Variants in VSNL1 observed in about 807,000 individuals in gnomAD.
VSNL1 encodes the protein visinin-like protein 1.
A neutral mutation model predicts 20.4 loss-of-function variants in VSNL1; 6 were observed. The ratio of observed to expected loss-of-function variants is 0.29; its 90% CI spans 0.16 to 0.58. The LOEUF is 0.58. Ranked by LOEUF, VSNL1 falls within the 20% of genes least tolerant of loss-of-function variation. The probability of loss-of-function intolerance (pLI) is 0.90; values close to 1 mark genes in which losing one functional copy is unlikely to be tolerated. For missense variants in VSNL1, 100 were observed against 234.5 expected, an observed-to-expected ratio of 0.43 and a Z score of 3.75; for synonymous variants, 93 against 86.4, an observed-to-expected ratio of 1.08 and a Z score of -0.42.
At chr2:17,620,439 A>G (rs1665329310) in intron 2 of VSNL1, among the ~76,000 whole-genome samples, 1 of 152,224 alleles carries the variant, frequency 6.6e-6, no homozygotes, top group African/African-American at 2.4e-5. Context: ...TCCAGATGGG[A>G]GGTGCAGGGG....
At chr2:17,589,062 G>A (rs550493892) in intron 1 of VSNL1, among the ~76,000 whole-genome samples, 1 of 152,304 alleles carries the variant, frequency 6.6e-6, no homozygotes, top group South Asian at 2.1e-4. Context: ...GAGAATGGGT[G>A]CCTAAGTTTG....
intron 2 of VSNL1, among the ~76,000 whole-genome samples, chr2:17,603,656 A>G (rs755626588): frequency 2.0e-5 from 3 of 152,186 alleles, no homozygotes; most frequent in South Asian, 2.1e-4. Flanking sequence ...ATCAAATGTC[A>G]CAAAAGTCCT....
At chr2:17,555,038 G>T (rs1218766610) in intron 1 of VSNL1, among the ~76,000 whole-genome samples, 4 of 148,340 alleles carry the variant, frequency 2.7e-5, no homozygotes, top group African/African-American at 9.7e-5. Flanking sequence ...ACCACTTAAA[G>T]GAAAATCTTT....
At chr2:17,642,837 T>C (rs1665910962) in intron 2 of VSNL1, among the ~76,000 whole-genome samples, 1 of 152,232 alleles carries the variant, frequency 6.6e-6, no homozygotes, top group African/African-American at 2.4e-5. Context: ...AATTTTATTC[T>C]CAAATAGATG....
At chr2:17,598,186 C>G (rs1316266053) in intron 2 of VSNL1, among the ~76,000 whole-genome samples, 1 of 152,170 alleles carries the variant, frequency 6.6e-6, no homozygotes, top group Non-Finnish European at 1.5e-5. Flanking sequence ...GCTTAAAAAC[C>G]TACTACGTGG....
intron 1 of VSNL1, among the ~76,000 whole-genome samples, chr2:17,586,769 AAG>A (rs1332365019): frequency 6.6e-6 from 1 of 152,212 alleles, no homozygotes; most frequent in African/African-American, 2.4e-5. Context: ...ATACAAGGAA[AAG>A]AGAGGAGTAG....
intron 2 of VSNL1, among the ~76,000 whole-genome samples, chr2:17,599,777 T>A (rs1216251914): frequency 6.6e-6 from 1 of 152,226 alleles, no homozygotes; most frequent in Non-Finnish European, 1.5e-5. Context: ...GAGACTTGGC[T>A]GAGGTTACAA....
At chr2:17,621,221 C>T (rs1270456799) in intron 2 of VSNL1, among the ~76,000 whole-genome samples, 1 of 151,582 alleles carries the variant, frequency 6.6e-6, no homozygotes, top group Non-Finnish European at 1.5e-5. Flanking sequence ...CTTCCTTTCT[C>T]TCTCTCTTTC....
chr2:17,574,881 C>G (rs1198340361), intron 1 of VSNL1, among the ~76,000 whole-genome samples: 1 of 152,218 alleles, frequency 6.6e-6, no homozygotes, highest in Non-Finnish European at 1.5e-5. Flanking sequence ...ATCCTCCTTC[C>G]TCAGCCTCCC....
intron 1 of VSNL1, among the ~76,000 whole-genome samples, chr2:17,549,803 G>A (rs781401116): frequency 1.3e-5 from 2 of 152,192 alleles, no homozygotes; most frequent in Non-Finnish European, 2.9e-5. Context: ...TTCCAAACCT[G>A]TTTGTACAGG....
chr2:17,650,764 A>G (rs1489744681), intron 3 of VSNL1, among the ~76,000 whole-genome samples: 1 of 152,132 alleles, frequency 6.6e-6, no homozygotes, highest in Non-Finnish European at 1.5e-5. Flanking sequence ...GAAGTCACCC[A>G]TCAACTCCCT....
intron 1 of VSNL1, among the ~76,000 whole-genome samples, chr2:17,585,223 C>T (rs1377431188): frequency 6.6e-6 from 1 of 151,998 alleles, no homozygotes; most frequent in Non-Finnish European, 1.5e-5. Flanking sequence ...TTTCCAGAAG[C>T]TGCTTTTGTC....
At chr2:17,616,100 C>T (rs1332556440) in intron 2 of VSNL1, among the ~76,000 whole-genome samples, 3 of 152,244 alleles carry the variant, frequency 2.0e-5, no homozygotes, top group African/African-American at 7.2e-5. Context: ...AAAGGGCCCA[C>T]TAACTTTCCT....
chr2:17,632,148 C>T (rs574974651), intron 2 of VSNL1, among the ~76,000 whole-genome samples: 23 of 152,264 alleles, frequency 1.5e-4, no homozygotes, highest in African/African-American at 3.1e-4. Flanking sequence ...GGATTACAGG[C>T]GTGAGCCACC....
chr2:17,568,750 T>C (rs1396726071), intron 1 of VSNL1, among the ~76,000 whole-genome samples: 1 of 152,202 alleles, frequency 6.6e-6, no homozygotes, highest in Non-Finnish European at 1.5e-5. Context: ...CCTTTAATAA[T>C]AGGGTCCATA....
At chr2:17,561,834 A>G (rs915595321) in intron 1 of VSNL1, among the ~76,000 whole-genome samples, 1 of 152,180 alleles carries the variant, frequency 6.6e-6, no homozygotes, top group East Asian at 1.9e-4. Context: ...TGGTGGTATA[A>G]TTCTTCAGAC....
At chr2:17,542,393 C>T (rs947740602) in intron 1 of VSNL1, among the ~76,000 whole-genome samples, 6 of 152,030 alleles carry the variant, frequency 3.9e-5, no homozygotes, top group Non-Finnish European at 7.4e-5. Context: ...TGGATTTCCA[C>T]GAAATAAGCA....
intron 1 of VSNL1, among the ~76,000 whole-genome samples, chr2:17,553,410 A>C (rs1321552174): frequency 6.6e-6 from 1 of 152,210 alleles, no homozygotes; most frequent in African/African-American, 2.4e-5. Context: ...CTAATAGAAA[A>C]ATTAAAATAT....
intron 2 of VSNL1, among the ~76,000 whole-genome samples, chr2:17,629,587 A>G (rs1011891485): frequency 6.6e-6 from 1 of 152,184 alleles, no homozygotes; most frequent in Non-Finnish European, 1.5e-5. Context: ...GCCACTGGTG[A>G]TGCAGAATTT....
Sources: allele counts gnomAD v4.1 joint callset (sites outside exome capture counted in the v4.1 genomes callset), GRCh38; gene constraint gnomAD v4.1.1; transcripts MANE v1.5; gene names NCBI Gene and HGNC (gene_info 2026-07-23, HGNC 2026-07-21).